The following NALF1 variants were observed in gnomAD, a reference collection of about 807,000 sequenced individuals.
The protein encoded by NALF1 is NALCN channel auxiliary factor 1, also known as family with sequence similarity 155 member A.
NALF1 carries 3 observed loss-of-function variants against 48.4 expected under a neutral mutation model. That is an observed-to-expected ratio of 0.06 (90% confidence interval 0.03 to 0.16). NALF1 has a LOEUF of 0.16. Ranked by LOEUF, NALF1 falls within the 10% of genes least tolerant of loss-of-function variation. The pLI is 1.00. For synonymous variants in NALF1, 262 were observed against 245.7 expected (o/e 1.07, Z -0.62); for missense variants, 526 against 571.5 (o/e 0.92, Z 0.81).
chr13:107,557,881 A>G (rs1318993039), intron 1 of NALF1, among the ~76,000 whole-genome samples: 2 of 152,218 alleles, frequency 1.3e-5, no homozygotes, highest in Non-Finnish European at 2.9e-5. Flanking sequence ...TTCTGAAAAT[A>G]ATATATTTCA....
intron 1 of NALF1, among the ~76,000 whole-genome samples, chr13:107,358,866 G>A (rs182230577): frequency 1.3e-5 from 2 of 152,080 alleles, no homozygotes; most frequent in East Asian, 1.9e-4. Flanking sequence ...TGCAGGAATG[G>A]TTCCTATTGG....
At chr13:107,467,997 G>C (rs1170225275) in intron 1 of NALF1, among the ~76,000 whole-genome samples, 14 of 149,590 alleles carry the variant, frequency 9.4e-5, no homozygotes, top group Admixed American at 8.0e-4. Flanking sequence ...GCAGTGAACT[G>C]AGATCGCGCC....
chr13:107,783,938 C>T (rs1458559536), intron 1 of NALF1, among the ~76,000 whole-genome samples: 1 of 151,472 alleles, frequency 6.6e-6, no homozygotes, highest in Non-Finnish European at 1.5e-5. Flanking sequence ...CTCACTTCTT[C>T]TTCTACCTAG....
In NALF1 at chr13:107,602,233, C is replaced by G. The variant is rs563491237; in HGVS notation, c.915+263449G>C. On this transcript the variant is annotated intron_variant, in intron 1 of 2. Transcript: ENST00000375915. ...ATTCAGTTCTAACCATCTATGAAAC[C>G]AGGAAAATTGAATCTAAAAATCTAT... 3.5e-4 allele frequency among the ~76,000 whole-genome samples: 54 copies of G among 152,228 alleles called. No individual in the cohort carries two copies. The South Asian group carries it at 4.4e-3, about 12-fold the overall frequency.
Position 107,866,237 on chromosome 13 carries a change from G to C in NALF1, c.360C>G (p.His120Gln). The change falls in exon 1 of 3, where the codon CAC becomes CAG. Residue 120 changes from histidine (H) to glutamine (Q), a missense_variant. By Grantham distance (24) the His-to-Gln change is conservative. Transcript: ENST00000375915. This position sits in a 1 kb window ranked among gnomAD's most constrained non-coding sequence, Gnocchi z 4.4. The part of the protein sequence containing the change: ...MGESSPAAQA[H>Q]RLLSASSSPT... ...GGGACGAGGAGGCGGAGAGGAGTCT[G>C]TGTGCCTGGGCGGCGGGCGAGGACT... The C allele has an allele frequency of 1.3e-6, 2 of 1,594,180 alleles. No individual in the cohort carries two copies. The highest frequency in any genetic ancestry group is 1.3e-5 in the African/African-American group (1 of 74,764).
intron 1 of NALF1, among the ~76,000 whole-genome samples, chr13:107,648,204 T>C (rs1880360414): frequency 6.6e-6 from 1 of 152,134 alleles, no homozygotes; most frequent in East Asian, 1.9e-4. Flanking sequence ...AATTCCCTCA[T>C]TCACATTAGG....
chr13:107,484,548 G>A (rs1243394373), intron 1 of NALF1, among the ~76,000 whole-genome samples: 1 of 151,912 alleles, frequency 6.6e-6, no homozygotes, highest in Non-Finnish European at 1.5e-5. Flanking sequence ...ACTTTAACAG[G>A]GCTTTTTACC....
intron 1 of NALF1, among the ~76,000 whole-genome samples, chr13:107,292,992 C>CTTTTCCTTTT (rs1262245448): frequency 3.6e-5 from 4 of 110,678 alleles, no homozygotes; most frequent in Admixed American, 2.1e-4. Context: ...TTTTCTTTTT[C>CTTTTCCTTTT]TTTTTTTTTT....
At chr13:107,321,239 G>A (rs1594119189) in intron 1 of NALF1, among the ~76,000 whole-genome samples, 1 of 152,064 alleles carries the variant, frequency 6.6e-6, no homozygotes, top group East Asian at 1.9e-4. Flanking sequence ...TTGAAAAGTG[G>A]AGTTTCCAAG....
chr13:107,332,784 C>G (rs930147462), intron 1 of NALF1, among the ~76,000 whole-genome samples: 1 of 152,144 alleles, frequency 6.6e-6, no homozygotes, highest in Non-Finnish European at 1.5e-5. Context: ...GTCCCACGAA[C>G]CTTTGTTCAC....
chr13:107,254,077 ATT>A (rs1555328836), intron 1 of NALF1, among the ~76,000 whole-genome samples: 4 of 139,054 alleles, frequency 2.9e-5, no homozygotes, highest in Non-Finnish European at 4.7e-5. Context: ...ATATATATAT[ATT>A]AAGCACACAG....
chr13:107,638,201 A>ATATATATATATATGTACG (rs372122331), intron 1 of NALF1, among the ~76,000 whole-genome samples: 1 of 110,832 alleles, frequency 9.0e-6, no homozygotes, highest in Non-Finnish European at 1.9e-5. Flanking sequence ...ATATATATAT[A>ATATATATATATATGTACG]TATATAATTT....
At chr13:107,200,111 G>A (rs570623949) in intron 2 of NALF1, among the ~76,000 whole-genome samples, 1 of 152,340 alleles carries the variant, frequency 6.6e-6, no homozygotes, top group South Asian at 2.1e-4. Flanking sequence ...AAAACGAGAA[G>A]GAGAGAGGAA....
rs913883827 is a variant in NALF1, at chr13:107,393,700, T to C, written c.916-182945A>G. 2.0e-5 allele frequency among the ~76,000 whole-genome samples: 3 copies of C among 152,218 alleles called. No individual in the cohort carries two copies. In the East Asian group the frequency reaches 5.8e-4, roughly 29 times the overall value. ...TAATGTTTATGTCCGCCAGCCATCA[T>C]TATTGATGATTAAATTAACCACAAT... On this transcript the variant is annotated intron_variant, in intron 1 of 2. Coordinates refer to ENST00000375915, the MANE Select transcript of NALF1 (RefSeq NM_001080396.3).
chr13:107,183,638 A>G (rs1879112089), intron 2 of NALF1, among the ~76,000 whole-genome samples: 1 of 152,220 alleles, frequency 6.6e-6, no homozygotes, highest in African/African-American at 2.4e-5. Context: ...TGTCGCACAT[A>G]TACACCATGG....
chr13:107,382,601 G>A (rs1883459878), intron 1 of NALF1, among the ~76,000 whole-genome samples: 1 of 152,150 alleles, frequency 6.6e-6, no homozygotes, highest in African/African-American at 2.4e-5. Flanking sequence ...TAATGCCTCT[G>A]TGATGTCAGG....
intron 1 of NALF1, among the ~76,000 whole-genome samples, chr13:107,239,357 G>C (rs78919024): frequency 0.055 from 8,405 of 152,160 alleles, 269 homozygotes; most frequent in Non-Finnish European, 0.062. Flanking sequence ...TGGTTTGCAG[G>C]TGCTTCACGC....
chr13:107,546,617 AT>A (rs1285276141), intron 1 of NALF1, among the ~76,000 whole-genome samples: 1 of 151,932 alleles, frequency 6.6e-6, no homozygotes, highest in Non-Finnish European at 1.5e-5. Flanking sequence ...AAGCTTAATT[AT>A]TTTGTGGTTT....
chr13:107,510,926 T>C (rs1253741178), intron 1 of NALF1, among the ~76,000 whole-genome samples: 1 of 152,142 alleles, frequency 6.6e-6, no homozygotes, highest in Non-Finnish European at 1.5e-5. Context: ...TTTATTAAGA[T>C]TCTCCAGTTA....
Sources: gnomAD v4.1 joint callset for allele counts (sites outside exome capture counted in the v4.1 genomes callset) on GRCh38, gnomAD v4.1.1 for gene constraint, Gnocchi (gnomAD v3.1) non-coding constraint, MANE v1.5 for transcripts, NCBI Gene and HGNC (gene_info 2026-07-23, HGNC 2026-07-21) for gene names.